RASSF8: variants seen among roughly 807,000 people sequenced by gnomAD.
RASSF8 encodes Ras association domain family member 8.
In RASSF8, 22 loss-of-function variants were observed where a neutral mutation model predicts 48.5. The ratio of observed to expected loss-of-function variants is 0.45; its 90% CI spans 0.32 to 0.65. RASSF8 has a LOEUF of 0.65. Ranked by LOEUF, RASSF8 falls within the 30% of genes least tolerant of loss-of-function variation. RASSF8 has a pLI of 0.03. For synonymous variants in RASSF8, 127 were observed against 171.5 expected (o/e 0.74, Z 2.03); for missense variants, 418 against 489.2 (o/e 0.85, Z 1.37).
chr12:26,016,001 A>G (rs887233400), intron 2 of RASSF8, among the ~76,000 whole-genome samples: 2 of 152,126 alleles, frequency 1.3e-5, no homozygotes, highest in African/African-American at 4.8e-5. Context: ...TTACCAAATC[A>G]CTAATTATCT....
At chr12:25,999,729 G>T in intron 2 of RASSF8, among the ~76,000 whole-genome samples, 1 of 152,090 alleles carries the variant, frequency 6.6e-6, no homozygotes, top group Non-Finnish European at 1.5e-5. Flanking sequence ...AGTTCCCAAG[G>T]CAATCAACTA....
At chr12:26,035,464 AATTAT>A (rs1482726266) in intron 2 of RASSF8, among the ~76,000 whole-genome samples, 85 of 103,180 alleles carry the variant, frequency 8.2e-4, no homozygotes, top group Non-Finnish European at 1.5e-3. Flanking sequence ...GAAATTATAT[AATTAT>A]ATTATATAAT....
Position 26,070,780 on chromosome 12 carries a change from T to C in RASSF8, c.*1962T>C. The stretch of plus-strand genomic sequence containing the variant: ...AAAAACATTTTATAAATTGATCGCA[T>C]TTTCTTTAAGTCAAAATGTTAAACT... On this transcript the variant is annotated 3_prime_UTR_variant, in exon 6 of 6. Coordinates refer to ENST00000689635, the MANE Select transcript of RASSF8 (RefSeq NM_001394098.1). 1.0e-6 allele frequency: 1 copy of C among 982,530 alleles called. No individual in the cohort carries two copies. The highest frequency in any genetic ancestry group is 5.2e-4 in the Middle Eastern group (1 of 1,912). The allele number at this position is 982,530 out of a possible 1,614,324, so 60.9% of individuals were successfully genotyped here.
chr12:26,028,919 T>C (rs958605800), intron 2 of RASSF8, among the ~76,000 whole-genome samples: 1 of 152,196 alleles, frequency 6.6e-6, no homozygotes, highest in African/African-American at 2.4e-5. Context: ...ATTTGCTTTT[T>C]TAAAAAAAGC....
chr12:26,073,683 G>T (rs1347238683), downstream of RASSF8, among the ~76,000 whole-genome samples: 1 of 151,556 alleles, frequency 6.6e-6, no homozygotes, highest in South Asian at 2.1e-4. Flanking sequence ...AGGTTGGAGT[G>T]AGCCGAGATC....
At chr12:26,041,042 C>T (rs998282380) in intron 2 of RASSF8, among the ~76,000 whole-genome samples, 3 of 126,824 alleles carry the variant, frequency 2.4e-5, no homozygotes, top group East Asian at 2.2e-4. Context: ...TGCCCGCCAC[C>T]GCGCCTGGTT....
rs150626217 is a variant in RASSF8, at chr12:26,033,077, C to T, written c.-108-22159C>T. The stretch of plus-strand genomic sequence containing the variant: ...AAATATATTAGATACTTCAACTATC[C>T]TTGAAATGTGACTTTTCCCCTGAGG... On this transcript the variant is annotated intron_variant, in intron 2 of 5. Transcript: ENST00000689635. Among the ~76,000 whole-genome samples the T allele has an allele frequency of 6.2e-4, 95 of 152,276 alleles. 1 individual carries two copies. The highest frequency in any genetic ancestry group is 3.4e-3 in the Middle Eastern group (1 of 294).
chr12:26,074,124 A>G (rs930171082), downstream of RASSF8, among the ~76,000 whole-genome samples: 2 of 152,160 alleles, frequency 1.3e-5, no homozygotes, highest in Non-Finnish European at 2.9e-5. Flanking sequence ...GTCCTCTAAA[A>G]TCATGTTTTG....
chr12:26,004,286 A>G (rs1942332755), intron 2 of RASSF8, among the ~76,000 whole-genome samples: 1 of 152,214 alleles, frequency 6.6e-6, no homozygotes, highest in South Asian at 2.1e-4. Context: ...CTGAGCTGTT[A>G]TTAATGAATG....
chr12:26,048,603 T>C (rs966288236), intron 2 of RASSF8, among the ~76,000 whole-genome samples: 3 of 152,190 alleles, frequency 2.0e-5, no homozygotes, highest in African/African-American at 7.2e-5. Context: ...TTCTGTGTGT[T>C]GCTCTCCATT....
intron 2 of RASSF8, among the ~76,000 whole-genome samples, chr12:26,043,036 A>C (rs1281052997): frequency 6.6e-6 from 1 of 152,126 alleles, no homozygotes; most frequent in Non-Finnish European, 1.5e-5. Context: ...CGTCCTGTAC[A>C]ATTAGTGCCT....
chr12:26,060,751 A>G (rs1591813033), intron 3 of RASSF8, among the ~76,000 whole-genome samples: 1 of 152,202 alleles, frequency 6.6e-6, no homozygotes, highest in Admixed American at 6.5e-5. Flanking sequence ...TTTATAGCTC[A>G]AGAAGCAAAA....
At chr12:26,050,458 A>G (rs903080077) in intron 2 of RASSF8, among the ~76,000 whole-genome samples, 2 of 152,338 alleles carry the variant, frequency 1.3e-5, no homozygotes, top group East Asian at 1.9e-4. Flanking sequence ...ACATTATTTC[A>G]TGCCATTTCT....
exon 6 of RASSF8, chr12:26,079,182 G>T: frequency 1.4e-6 from 1 of 713,936 alleles, no homozygotes; most frequent in South Asian, 2.2e-5. Context: ...TGAAAAGGTG[G>T]ACTGTAGATT....
Position 26,065,372 on chromosome 12 carries a change from C to A in RASSF8, c.978C>A (p.Ala326=), listed in dbSNP as rs1428976217. Residue 326 remains alanine (A), a synonymous_variant, in exon 4 of 6, where the codon GCC becomes GCA. Transcript: ENST00000689635. ...CTGTGGAAAGATCTCTTGGACAAGC[C>A]ACCAAACGCTTACAGGTAGGGACAC... ...IKAVERSLGQ[A]TKRLQDKEQE... 6.2e-7 allele frequency: 1 copy of A among 1,611,018 alleles called. No individual in the cohort carries two copies. The highest frequency in any genetic ancestry group is 1.3e-5 in the African/African-American group (1 of 74,788).
chr12:26,063,935 G>A (rs1466766039), intron 3 of RASSF8, among the ~76,000 whole-genome samples: 5 of 152,068 alleles, frequency 3.3e-5, no homozygotes, highest in Non-Finnish European at 5.9e-5. Flanking sequence ...GGTGGAGATG[G>A]AGAGGAGACC....
At position 26,069,200 on chromosome 12, in the gene RASSF8, G is replaced by A. The variant is rs1386995246; in HGVS notation, c.*382G>A. On this transcript the variant is annotated 3_prime_UTR_variant, in exon 6 of 6. Coordinates refer to ENST00000689635, the MANE Select transcript of RASSF8 (RefSeq NM_001394098.1). ...TATTTCATGTAATCAATGTGTGAAT[G>A]TTGATGTTTTAATATTTTTATTGAC... 1.0e-6 allele frequency: 1 copy of A among 985,870 alleles called. No homozygotes were observed. The highest frequency in any genetic ancestry group is 1.8e-5 in the African/African-American group (1 of 56,394). 61.1% of individuals were successfully genotyped at this position (985,870 alleles called of 1,614,324 possible). A position where few individuals can be genotyped will look rare whatever the true frequency, so the allele number is the denominator to read the frequency against.
chr12:25,965,884 G>A (rs1316158139), intron 1 of RASSF8, among the ~76,000 whole-genome samples: 1 of 152,130 alleles, frequency 6.6e-6, no homozygotes, highest in Non-Finnish European at 1.5e-5. Flanking sequence ...CCTCTTCATT[G>A]CTGAGTAGTA....
chr12:26,035,570 A>G (rs957577888), intron 2 of RASSF8, among the ~76,000 whole-genome samples: 2 of 140,494 alleles, frequency 1.4e-5, no homozygotes, highest in African/African-American at 5.1e-5. Flanking sequence ...TTTATATTAT[A>G]TATTGTATAT....
Sources: allele counts gnomAD v4.1 joint callset (sites outside exome capture counted in the v4.1 genomes callset), GRCh38; gene constraint gnomAD v4.1.1; transcripts MANE v1.5; gene names NCBI Gene and HGNC (gene_info 2026-07-23, HGNC 2026-07-21).